Variants in NELL2 observed in about 807,000 individuals in gnomAD.
The protein encoded by NELL2 is neural EGFL like 2, also known as protein kinase C-binding protein NELL2.
A neutral mutation model predicts 109.6 loss-of-function variants in NELL2; 41 were observed. The ratio of observed to expected loss-of-function variants is 0.37; its 90% confidence interval spans 0.29 to 0.49. NELL2 has a LOEUF of 0.49. Ranked by LOEUF, NELL2 falls within the 20% of genes least tolerant of loss-of-function variation. The probability of loss-of-function intolerance (pLI) is 0.98; values close to 1 mark genes in which losing one functional copy is unlikely to be tolerated. For missense variants in NELL2, 900 were observed against 1,008.3 expected (o/e 0.89, Z 1.45); for synonymous variants, 355 against 344.7 (o/e 1.03, Z -0.33).
chr12:44,656,333 C>T (rs959344209), intron 13 of NELL2, among the ~76,000 whole-genome samples: 2 of 152,112 alleles, frequency 1.3e-5, no homozygotes, highest in Non-Finnish European at 2.9e-5. Flanking sequence ...TTTTAAGCCC[C>T]TATTCACAGG....
intron 9 of NELL2, among the ~76,000 whole-genome samples, chr12:44,757,380 AC>A (rs1307290210): frequency 2.6e-5 from 4 of 151,976 alleles, no homozygotes; most frequent in African/African-American, 7.3e-5. Flanking sequence ...CCCGTTTAAA[AC>A]CCTTCAAATG....
intron 13 of NELL2, among the ~76,000 whole-genome samples, chr12:44,663,957 A>G (rs1173703997): frequency 6.6e-6 from 1 of 152,162 alleles, no homozygotes; most frequent in Admixed American, 6.5e-5. Context: ...TATAATACCA[A>G]AGAATCAGTG....
chr12:44,809,540 C>G (rs960291514), intron 3 of NELL2, among the ~76,000 whole-genome samples: 52 of 151,982 alleles, frequency 3.4e-4, no homozygotes, highest in Admixed American at 3.2e-3. Context: ...AGAGCCAAAA[C>G]TCTTTTTACA....
intron 12 of NELL2, among the ~76,000 whole-genome samples, chr12:44,683,187 A>T (rs906367425): frequency 1.3e-5 from 2 of 152,098 alleles, no homozygotes; most frequent in South Asian, 2.1e-4. Context: ...AGCAATTGTG[A>T]ACGGGAGTTC....
At chr12:44,512,530 C>T (rs966109835) in intron 19 of NELL2, among the ~76,000 whole-genome samples, 30 of 151,936 alleles carry the variant, frequency 2.0e-4, no homozygotes, top group African/African-American at 6.5e-4. Context: ...TCTGAACCCC[C>T]ATGCAGTATT....
At chr12:44,675,577 T>C (rs2136358263) in intron 12 of NELL2, among the ~76,000 whole-genome samples, 1 of 152,244 alleles carries the variant, frequency 6.6e-6, no homozygotes, top group South Asian at 2.1e-4. Context: ...TTATTCGGAA[T>C]CATAGATTTT....
intron 2 of NELL2, 141 bp from the exon 3 acceptor site, chr12:44,816,277 T>A (rs1185080766): frequency 1.5e-6 from 1 of 649,168 alleles, no homozygotes; most frequent in Non-Finnish European, 2.5e-6. Context: ...CTTGGTAAAT[T>A]ATTTTTCAAA....
At chr12:44,689,266 G>C (rs1281230346) in intron 12 of NELL2, among the ~76,000 whole-genome samples, 1 of 152,064 alleles carries the variant, frequency 6.6e-6, no homozygotes, top group East Asian at 1.9e-4. Context: ...CCTTTGAAAG[G>C]AGATCTCGTC....
Position 44,688,355 on chromosome 12 carries a change from A to C in NELL2, c.1318+15371T>G, listed in dbSNP as rs374462015. On this transcript the variant is annotated intron_variant, in intron 12 of 19. Transcript: ENST00000429094. ...GTAAATTAATATTTTAGTTCCAAAA[A>C]TAAAATAATATTGAATGAATTAACT... Among the ~76,000 whole-genome samples, 20 of 152,344 alleles carry C rather than the reference A, an allele frequency of 1.3e-4. No individual in the cohort carries two copies. In the East Asian group the frequency reaches 1.9e-3, roughly 15 times the overall value.
intron 19 of NELL2, among the ~76,000 whole-genome samples, chr12:44,519,662 T>C (rs1941433852): frequency 6.6e-6 from 1 of 152,164 alleles, no homozygotes; most frequent in South Asian, 2.1e-4. Context: ...CAATATTGTC[T>C]CCTATCATGA....
intron 9 of NELL2, among the ~76,000 whole-genome samples, chr12:44,729,665 T>C (rs545256110): frequency 1.3e-5 from 2 of 150,772 alleles, no homozygotes; most frequent in African/African-American, 2.4e-5. Context: ...TTGAAACATA[T>C]ATTTCATGCA....
intron 18 of NELL2, 82 bp from the exon 19 acceptor site, chr12:44,520,311 G>T: frequency 2.0e-6 from 2 of 976,634 alleles, no homozygotes; most frequent in Non-Finnish European, 3.1e-6. Context: ...GATGAGCACA[G>T]TGTTTACTGA....
intron 9 of NELL2, among the ~76,000 whole-genome samples, chr12:44,754,533 T>C (rs1327667974): frequency 2.0e-5 from 3 of 152,196 alleles, no homozygotes; most frequent in African/African-American, 7.2e-5. Flanking sequence ...TAGTTTAAGT[T>C]TCATTAGTTT....
intron 9 of NELL2, among the ~76,000 whole-genome samples, chr12:44,754,848 T>C (rs1459921326): frequency 2.0e-5 from 3 of 152,202 alleles, no homozygotes; most frequent in Admixed American, 2.0e-4. Context: ...TATAAAATAC[T>C]GTGAAAAGCA....
intron 18 of NELL2, among the ~76,000 whole-genome samples, chr12:44,521,594 C>T (rs1941545326): frequency 6.7e-6 from 1 of 149,398 alleles, no homozygotes; most frequent in African/African-American, 2.5e-5. Context: ...TAAGTCTAAA[C>T]ATAACTGACA....
chr12:44,616,820 T>G (rs899688492), intron 13 of NELL2, among the ~76,000 whole-genome samples: 3 of 152,278 alleles, frequency 2.0e-5, no homozygotes. Flanking sequence ...CCCACAGATC[T>G]GCAATACTGA....
chr12:44,883,369 C>CTA lies in NELL2; in HGVS notation c.39-7471_39-7470dup, dbSNP rs1188275641. Among the ~76,000 whole-genome samples, 9 of 136,124 alleles carry CTA rather than the reference C, an allele frequency of 6.6e-5. No homozygotes were observed. In the South Asian group the frequency reaches 2.5e-3, roughly 38 times the overall value. The allele number at this position is 136,124 out of a possible 152,430, so 89.3% of individuals were successfully genotyped here. A position where few individuals can be genotyped will look rare whatever the true frequency, so the allele number is the denominator to read the frequency against. On this transcript the variant is annotated intron_variant, in intron 1 of 20. Coordinates refer to the NELL2 transcript ENST00000333837. Reference sequence around the variant, plus strand: ...AACAGCAGGCAAAGTCTTTCTCACACTACACTCTCTCTGGTTCTCTGACTA... The same window carrying CTA: ...AACAGCAGGCAAAGTCTTTCTCACACTATACACTCTCTCTGGTTCTCTGACTA...
At position 44,895,161 on chromosome 12, in the gene NELL2, CT is replaced by C. The variant is rs144175280; in HGVS notation, c.38+18637del. ...GAGAAAGGAAATCTTCTCCTTCAGA[CT>C]TTCCTTTCAACACTTAGAGAACTCT... is the stretch of plus-strand genomic sequence containing the variant. On this transcript the variant is annotated intron_variant, in intron 1 of 20. Transcript: ENST00000333837. Among the ~76,000 whole-genome samples the C allele has an allele frequency of 5.8e-3, 882 of 152,256 alleles. 6 individuals are homozygous for C. Among genetic ancestry groups the C allele is most frequent in the African/African-American group, 0.02 (839 of 41,554 alleles).
Position 44,875,840 on chromosome 12 carries a change from G to A in NELL2, c.30C>T (p.Phe10=). The A allele has an allele frequency of 6.2e-7, 1 of 1,613,972 alleles. No individual in the cohort carries two copies. The highest frequency in any genetic ancestry group is 8.5e-7 in the Non-Finnish European group (1 of 1,180,030). Residue 10 remains phenylalanine (F), a synonymous_variant, in exon 1 of 20, where the codon TTC becomes TTT. Coordinates refer to ENST00000429094, the MANE Select transcript of NELL2 (RefSeq NM_001145108.2). MESRVLLRT[F]CLIFGLGAVW... is the part of the protein sequence containing the mutation. ...CTGCTCCGAGACCGAAGATCAAACAGAATGTTCTCAGTAAGACCCGAGACT... is the reference window on the plus strand; with the variant it reads ...CTGCTCCGAGACCGAAGATCAAACAAAATGTTCTCAGTAAGACCCGAGACT...
Sources: allele counts gnomAD v4.1 joint callset (sites outside exome capture counted in the v4.1 genomes callset), GRCh38; gene constraint gnomAD v4.1.1; transcripts MANE v1.5; gene names NCBI Gene and HGNC (gene_info 2026-07-23, HGNC 2026-07-21).